The following NR1H4 variants were observed in gnomAD, a reference collection of about 807,000 sequenced individuals.
NR1H4 encodes bile acid receptor.
Under a neutral mutation model 58.5 loss-of-function variants are expected in NR1H4, and 23 were observed. That is an observed-to-expected ratio of 0.39 (90% CI 0.28 to 0.56). The LOEUF is 0.56. NR1H4 is among the 20% of genes least tolerant of loss of function. The pLI, the probability that NR1H4 is intolerant of heterozygous loss-of-function variation, is 0.58. For missense variants in NR1H4, 487 were observed against 576.9 expected (o/e 0.84, Z 1.60); for synonymous variants, 214 against 198.0 (o/e 1.08, Z -0.68).
intron 9 of NR1H4, among the ~76,000 whole-genome samples, chr12:100,545,822 T>C (rs1158168827): frequency 6.6e-6 from 1 of 151,666 alleles, no homozygotes. Flanking sequence ...TGGGACTAAA[T>C]ATGTCAGAAG....
chr12:100,525,055 T>A (rs1954522532), intron 4 of NR1H4: 1 of 152,192 alleles, frequency 6.6e-6, no homozygotes, highest in Non-Finnish European at 1.5e-5. Flanking sequence ...TTTAAAAGAC[T>A]TGGAAGTCTG....
chr12:100,551,136 T>TA (rs1177990352), intron 9 of NR1H4, among the ~76,000 whole-genome samples: 3 of 152,216 alleles, frequency 2.0e-5, no homozygotes, highest in Non-Finnish European at 4.4e-5. Context: ...GAATATAAAG[T>TA]AAAACATGGT....
chr12:100,488,188 A>T (rs942598391), intron 1 of NR1H4, among the ~76,000 whole-genome samples: 2 of 150,272 alleles, frequency 1.3e-5, no homozygotes, highest in African/African-American at 4.9e-5. Flanking sequence ...TTTATTAGAG[A>T]TGAGATTCCT....
intron 3 of NR1H4, among the ~76,000 whole-genome samples, chr12:100,497,911 C>T (rs1953750489): frequency 6.6e-6 from 1 of 152,152 alleles, no homozygotes; most frequent in Non-Finnish European, 1.5e-5. Context: ...AGAGACAAAG[C>T]ATTCCAACAA....
At chr12:100,489,974 A>G (rs1002658817) in intron 1 of NR1H4, among the ~76,000 whole-genome samples, 2 of 152,156 alleles carry the variant, frequency 1.3e-5, no homozygotes, top group Admixed American at 6.5e-5. Flanking sequence ...CCAATCAGGG[A>G]TAATAACTTA....
chr12:100,506,225 A>G (rs916218216), intron 3 of NR1H4, among the ~76,000 whole-genome samples: 2 of 152,192 alleles, frequency 1.3e-5, no homozygotes, highest in African/African-American at 2.4e-5. Context: ...ATGACACTCA[A>G]CTTACCGAAA....
intron 1 of NR1H4, among the ~76,000 whole-genome samples, chr12:100,488,323 C>A (rs1953539092): frequency 6.6e-6 from 1 of 152,158 alleles, no homozygotes; most frequent in African/African-American, 2.4e-5. Context: ...TCTTTCTGAT[C>A]TGGTGTTCTC....
chr12:100,560,607 C>T (rs1420985162), intron 9 of NR1H4, among the ~76,000 whole-genome samples: 3 of 152,200 alleles, frequency 2.0e-5, no homozygotes, highest in Non-Finnish European at 4.4e-5. Flanking sequence ...GGGACAGACT[C>T]CAGATGTGCC....
rs546374877 is a variant in NR1H4, at chr12:100,553,205, A to G, written c.1079-8680A>G. ...AGTAGAGATGGGGTTTCACCGTGTT[A>G]GCCAGGATGGTCTTGATCTCTTGAC... is the stretch of plus-strand genomic sequence containing the variant. On this transcript the variant is annotated intron_variant, in intron 9 of 10. Transcript: ENST00000392986. Among the ~76,000 whole-genome samples the G allele has an allele frequency of 1.6e-4, 25 of 152,206 alleles. No homozygotes were observed. The South Asian group carries it at 4.6e-3, about 28-fold the overall frequency.
chr12:100,531,457 A>T (rs1954690742), intron 4 of NR1H4, among the ~76,000 whole-genome samples: 1 of 152,208 alleles, frequency 6.6e-6, no homozygotes, highest in South Asian at 2.1e-4. Flanking sequence ...TCTGTCTCAA[A>T]AAAACAAAAA....
At chr12:100,552,317 T>G (rs1389277483) in intron 9 of NR1H4, among the ~76,000 whole-genome samples, 1 of 152,230 alleles carries the variant, frequency 6.6e-6, no homozygotes, top group Non-Finnish European at 1.5e-5. Context: ...AATTAAATAT[T>G]TTATACTTAA....
intron 9 of NR1H4, 115 bp downstream of exon 9, chr12:100,540,933 C>T (rs1954920927): frequency 2.1e-6 from 2 of 969,230 alleles, no homozygotes; most frequent in African/African-American, 3.2e-5. Context: ...TTGTGCCTAG[C>T]ATGAAGAATG....
At chr12:100,549,694 A>G (rs1016527421) in intron 9 of NR1H4, among the ~76,000 whole-genome samples, 4 of 152,184 alleles carry the variant, frequency 2.6e-5, no homozygotes, top group African/African-American at 9.6e-5. Flanking sequence ...ATAAATAAAT[A>G]TGCATGTTTC....
chr12:100,500,642 G>C (rs1054491822), intron 3 of NR1H4, among the ~76,000 whole-genome samples: 3 of 152,154 alleles, frequency 2.0e-5, no homozygotes, highest in African/African-American at 7.2e-5. Context: ...TTGGTGACAG[G>C]TGATTGGATC....
chr12:100,550,798 G>A (rs1288039709), intron 9 of NR1H4, among the ~76,000 whole-genome samples: 1 of 152,042 alleles, frequency 6.6e-6, no homozygotes, highest in Non-Finnish European at 1.5e-5. Flanking sequence ...TCCCCACAAG[G>A]GACATAAATA....
intron 4 of NR1H4, among the ~76,000 whole-genome samples, chr12:100,528,194 C>T (rs532729277): frequency 1.6e-4 from 24 of 152,188 alleles, no homozygotes; most frequent in African/African-American, 4.6e-4. Flanking sequence ...GAGTCTGGCA[C>T]GTGCATGTGT....
intron 3 of NR1H4, among the ~76,000 whole-genome samples, chr12:100,507,613 C>A (rs899507580): frequency 6.6e-6 from 1 of 152,066 alleles, no homozygotes; most frequent in South Asian, 2.1e-4. Context: ...CAGGTGTGCA[C>A]CACCAAGCCC....
Position 100,494,634 on chromosome 12 carries a change from C to T in NR1H4, c.79+1232C>T, listed in dbSNP as rs918510898. The stretch of plus-strand genomic sequence containing the variant: ...TTGGCTTATCTTCATCCTGTAGATG[C>T]AGTCAAGGGCAGTGGGAGGCCCTGC... On this transcript the variant is annotated intron_variant, in intron 3 of 10. Coordinates refer to ENST00000392986, the MANE Select transcript of NR1H4 (RefSeq NM_001206979.2). Among the ~76,000 whole-genome samples the T allele has an allele frequency of 2.0e-5, 3 of 152,368 alleles. No homozygotes were observed. In the East Asian group the frequency reaches 5.8e-4, roughly 29 times the overall value.
chr12:100,511,222 C>G, intron 4 of NR1H4, 79 bp downstream of exon 4: 1 of 1,590,770 alleles, frequency 6.3e-7, no homozygotes. Context: ...TAATTGCTTC[C>G]CTTTTCCCAG....
Sources: allele counts gnomAD v4.1 joint callset (sites outside exome capture counted in the v4.1 genomes callset), GRCh38; gene constraint gnomAD v4.1.1; transcripts MANE v1.5; gene names NCBI Gene and HGNC (gene_info 2026-07-23, HGNC 2026-07-21).